ACOXL: variants seen among roughly 807,000 people sequenced by gnomAD.
The protein encoded by ACOXL is acyl-CoA oxidase like.
In ACOXL, 70 loss-of-function variants were observed where a neutral mutation model predicts 71.9. The observed-to-expected ratio is 0.97, with a 90% CI of 0.80 to 1.19. The LOEUF is 1.19. ACOXL is among the 50% of genes most tolerant of loss of function. The probability of loss-of-function intolerance (pLI) is 0.00; values close to 1 mark genes in which losing one functional copy is unlikely to be tolerated. For missense variants in ACOXL, 703 were observed against 736.3 expected (o/e 0.95, Z 0.52); for synonymous variants, 253 against 281.6 (o/e 0.90, Z 1.02).
intron 11 of ACOXL, among the ~76,000 whole-genome samples, chr2:110,923,856 A>C (rs2149303878): frequency 6.6e-6 from 1 of 152,100 alleles, no homozygotes; most frequent in African/African-American, 2.4e-5. Flanking sequence ...GAATTGCTTG[A>C]ACTCAGGAGT....
At chr2:110,844,683 G>T (rs1227557800) in intron 10 of ACOXL, among the ~76,000 whole-genome samples, 6 of 151,922 alleles carry the variant, frequency 3.9e-5, no homozygotes, top group Non-Finnish European at 5.9e-5. Context: ...GAATAGCTGG[G>T]ATTACAGGCA....
intron 11 of ACOXL, among the ~76,000 whole-genome samples, chr2:110,913,802 G>T (rs2059737492): frequency 6.6e-6 from 1 of 152,174 alleles, no homozygotes; most frequent in Non-Finnish European, 1.5e-5. Flanking sequence ...CACATCACAT[G>T]GCGAAAGCAG....
chr2:110,855,571 T>C (rs190132501), intron 10 of ACOXL, among the ~76,000 whole-genome samples: 1 of 152,358 alleles, frequency 6.6e-6, no homozygotes, highest in Admixed American at 6.5e-5. Flanking sequence ...AAATATATGA[T>C]ATGTACTGTG....
At chr2:110,942,368 G>A (rs1209024032) in intron 12 of ACOXL, among the ~76,000 whole-genome samples, 1 of 152,172 alleles carries the variant, frequency 6.6e-6, no homozygotes, top group Non-Finnish European at 1.5e-5. Flanking sequence ...AAATGGATGG[G>A]AAAAGATGCA....
intron 12 of ACOXL, chr2:110,968,605 A>T: frequency 1.1e-6 from 1 of 915,952 alleles, no homozygotes; most frequent in Non-Finnish European, 1.7e-6. Flanking sequence ...AGCCCAAGAA[A>T]GAAGTTAAAA....
Position 110,900,352 on chromosome 2 carries a change from A to G in ACOXL, c.789-8437A>G, listed in dbSNP as rs577503216. ...CTTTCCTAGATCAAGGATGAGCAGC[A>G]TCGCAGGTAATTTTAGAGACTCCAG... On this transcript the variant is annotated intron_variant, in intron 10 of 17. Coordinates refer to ENST00000439055, the MANE Select transcript of ACOXL (RefSeq NM_001142807.4). Among the ~76,000 whole-genome samples the G allele has an allele frequency of 3.9e-5, 6 of 152,312 alleles. No homozygotes were observed. The South Asian group carries it at 1.2e-3, about 32-fold the overall frequency.
At chr2:110,841,495 T>A in intron 10 of ACOXL, 90 bp downstream of exon 10, 1 of 1,080,992 alleles carries the variant, frequency 9.3e-7, no homozygotes, top group Non-Finnish European at 1.4e-6. Flanking sequence ...TGAGCTTTTT[T>A]TTGGTGGTTG....
At chr2:111,013,275 A>T (rs964312307) in intron 14 of ACOXL, among the ~76,000 whole-genome samples, 1 of 152,236 alleles carries the variant, frequency 6.6e-6, no homozygotes, top group African/African-American at 2.4e-5. Context: ...CTGTAATCCC[A>T]GCACTTTGGG....
intron 1 of ACOXL, among the ~76,000 whole-genome samples, chr2:110,752,390 A>G (rs1336317560): frequency 6.6e-6 from 1 of 152,110 alleles, no homozygotes; most frequent in Non-Finnish European, 1.5e-5. Context: ...AGGCTGAGGA[A>G]GGAGGATCGC....
intron 11 of ACOXL, among the ~76,000 whole-genome samples, chr2:110,925,889 T>C (rs1300215254): frequency 1.3e-5 from 2 of 148,402 alleles, no homozygotes; most frequent in African/African-American, 2.5e-5. Flanking sequence ...CATTTCTAGC[T>C]TTCGATCTAG....
At chr2:110,740,969 T>C (rs758628275) in intron 1 of ACOXL, among the ~76,000 whole-genome samples, 2 of 152,182 alleles carry the variant, frequency 1.3e-5, no homozygotes, top group Non-Finnish European at 2.9e-5. Context: ...GCTGTTCATG[T>C]TGGAGGGGAT....
At chr2:111,007,909 C>T (rs1441935624) in intron 14 of ACOXL, among the ~76,000 whole-genome samples, 2 of 152,218 alleles carry the variant, frequency 1.3e-5, no homozygotes, top group East Asian at 1.9e-4. Flanking sequence ...GCCCTCTTTC[C>T]TATTTCAAAC....
chr2:111,058,610 T>A (rs1370955219), intron 16 of ACOXL, among the ~76,000 whole-genome samples: 1 of 152,364 alleles, frequency 6.6e-6, no homozygotes, highest in African/African-American at 2.4e-5. Context: ...TTTTAGCTGC[T>A]TTCTTTTTGG....
chr2:110,928,974 G>A (rs556805381), intron 11 of ACOXL, among the ~76,000 whole-genome samples: 7 of 152,308 alleles, frequency 4.6e-5, no homozygotes, highest in African/African-American at 1.4e-4. Flanking sequence ...CATTAAACCT[G>A]TTTTTCTTTA....
chr2:110,975,590 TA>T (rs894994966), intron 12 of ACOXL, among the ~76,000 whole-genome samples: 161 of 151,802 alleles, frequency 1.1e-3, no homozygotes, highest in African/African-American at 3.1e-3. Flanking sequence ...TAGTATTATC[TA>T]AAAAAAATTA....
Position 110,970,670 on chromosome 2 carries a change from G to A in ACOXL, c.1060-16438G>A, listed in dbSNP as rs1031454873. Among the ~76,000 whole-genome samples, 4 of 152,072 alleles carry A rather than the reference G, an allele frequency of 2.6e-5. No individual in the cohort carries two copies. The South Asian group carries it at 8.3e-4, about 31-fold the overall frequency. On this transcript the variant is annotated intron_variant, in intron 12 of 17. Coordinates refer to ENST00000439055, the MANE Select transcript of ACOXL (RefSeq NM_001142807.4). ...TTAAAACATAGAGATTAGAAGGGAA[G>A]AAATAAAAACTGTAGCTTTCTGACA...
intron 9 of ACOXL, among the ~76,000 whole-genome samples, chr2:110,834,205 G>A (rs776395797): frequency 3.1e-4 from 47 of 152,112 alleles, no homozygotes; most frequent in East Asian, 1.4e-3. Flanking sequence ...TATTTAACAC[G>A]TAATAAGAAT....
intron 15 of ACOXL, among the ~76,000 whole-genome samples, chr2:111,043,838 C>G (rs1485861559): frequency 6.6e-6 from 1 of 152,206 alleles, no homozygotes; most frequent in Non-Finnish European, 1.5e-5. Flanking sequence ...TAAGAGGAAG[C>G]TGGCTTCCTC....
intron 16 of ACOXL, among the ~76,000 whole-genome samples, chr2:111,074,767 A>G (rs1220594797): frequency 1.3e-5 from 2 of 151,578 alleles, no homozygotes; most frequent in Non-Finnish European, 2.9e-5. Context: ...GCTAATTTCT[A>G]TATTTTTTTT....
Sources: allele counts gnomAD v4.1 joint callset (sites outside exome capture counted in the v4.1 genomes callset), GRCh38; gene constraint gnomAD v4.1.1; transcripts MANE v1.5; gene names NCBI Gene and HGNC (gene_info 2026-07-23, HGNC 2026-07-21).